Variants in CSMD3 observed in about 807,000 individuals in gnomAD.
The protein encoded by CSMD3 is CUB and Sushi multiple domains 3.
A neutral mutation model predicts 435.2 loss-of-function variants in CSMD3; 177 were observed. The observed-to-expected ratio is 0.41, with a 90% CI of 0.36 to 0.46. CSMD3 has a LOEUF of 0.46. Among genes scored for constraint, CSMD3 ranks in the 20% least tolerant of loss-of-function variants. CSMD3 has a pLI of 0.34. For missense variants in CSMD3, 4,265 were observed against 4,504.6 expected (o/e 0.95, Z 1.52); for synonymous variants, 1,656 against 1,520.5 (o/e 1.09, Z -2.07).
intron 5 of CSMD3, among the ~76,000 whole-genome samples, chr8:113,069,251 A>C (rs1445122536): frequency 6.6e-6 from 1 of 152,096 alleles, no homozygotes; most frequent in Non-Finnish European, 1.5e-5. Context: ...TGCCCACTCC[A>C]TTCTATAGAA....
At chr8:112,696,440 T>C (rs2076257936) in intron 13 of CSMD3, among the ~76,000 whole-genome samples, 1 of 152,064 alleles carries the variant, frequency 6.6e-6, no homozygotes, top group East Asian at 1.9e-4. Flanking sequence ...AACCATCTGA[T>C]CTTTGACAAA....
chr8:112,251,755 T>C (rs1815282313), intron 63 of CSMD3, among the ~76,000 whole-genome samples: 1 of 151,740 alleles, frequency 6.6e-6, no homozygotes, highest in Non-Finnish European at 1.5e-5. Context: ...AAGCCCTAAA[T>C]CCAAATAATG....
intron 10 of CSMD3, among the ~76,000 whole-genome samples, chr8:112,879,131 G>T (rs2081375627): frequency 6.6e-6 from 1 of 152,042 alleles, no homozygotes; most frequent in African/African-American, 2.4e-5. Context: ...TTCCCTTATT[G>T]CCCAAAATGG....
chr8:112,502,497 G>T (rs1822072171), intron 30 of CSMD3, among the ~76,000 whole-genome samples: 1 of 152,178 alleles, frequency 6.6e-6, no homozygotes, highest in East Asian at 1.9e-4. Flanking sequence ...GATATCGGAG[G>T]ACTCCAAGCC....
At chr8:113,362,538 GA>G (rs1200523606) in intron 1 of CSMD3, among the ~76,000 whole-genome samples, 7 of 152,192 alleles carry the variant, frequency 4.6e-5, no homozygotes. Flanking sequence ...ATTGCAGTGT[GA>G]AACAGCATTA....
At chr8:113,266,110 C>T (rs1404877781) in intron 3 of CSMD3, among the ~76,000 whole-genome samples, 1 of 149,206 alleles carries the variant, frequency 6.7e-6, no homozygotes, top group Admixed American at 6.7e-5. Context: ...AAATTGTAAG[C>T]TCTCTATTAA....
chr8:113,307,130 G>A (rs1187803764), intron 2 of CSMD3, among the ~76,000 whole-genome samples: 5 of 151,970 alleles, frequency 3.3e-5, no homozygotes, highest in Non-Finnish European at 5.9e-5. Context: ...AATCCAAAGA[G>A]GGAGAAGAGT....
At chr8:112,836,233 G>T (rs1221739520) in intron 11 of CSMD3, among the ~76,000 whole-genome samples, 1 of 151,854 alleles carries the variant, frequency 6.6e-6, no homozygotes, top group Non-Finnish European at 1.5e-5. Context: ...CAAAGTGAAT[G>T]CAGGAGAAGA....
chr8:112,708,145 T>A (rs983309104), intron 13 of CSMD3, among the ~76,000 whole-genome samples: 6 of 151,032 alleles, frequency 4.0e-5, no homozygotes, highest in African/African-American at 1.2e-4. Context: ...GTAGGGATGA[T>A]TATAGGAGAC....
chr8:112,384,641 T>G (rs1829776596), intron 36 of CSMD3, among the ~76,000 whole-genome samples: 2 of 152,320 alleles, frequency 1.3e-5, no homozygotes, highest in East Asian at 1.9e-4. Flanking sequence ...CATTAAAAAT[T>G]TATTATCTGC....
At chr8:112,441,100 T>G (rs1034774938) in intron 32 of CSMD3, among the ~76,000 whole-genome samples, 7 of 152,154 alleles carry the variant, frequency 4.6e-5, no homozygotes, top group African/African-American at 1.7e-4. Context: ...ATGCTCTGCT[T>G]CCCCTTGAAT....
intron 10 of CSMD3, among the ~76,000 whole-genome samples, chr8:112,872,026 C>T (rs2081150808): frequency 6.6e-6 from 1 of 151,904 alleles, no homozygotes. Context: ...ATTGATCTAT[C>T]AAAGACCTGT....
At chr8:113,020,454 T>C (rs916013216) in intron 5 of CSMD3, among the ~76,000 whole-genome samples, 2 of 152,136 alleles carry the variant, frequency 1.3e-5, no homozygotes, top group Admixed American at 6.5e-5. Context: ...TATGACATCA[T>C]GAAATAGAAA....
chr8:113,002,336 T>A (rs575357122), intron 6 of CSMD3, among the ~76,000 whole-genome samples: 1 of 152,260 alleles, frequency 6.6e-6, no homozygotes, highest in Admixed American at 6.5e-5. Flanking sequence ...TTATTTAAAT[T>A]ATTTTATGTT....
intron 2 of CSMD3, among the ~76,000 whole-genome samples, chr8:113,291,451 T>C (rs2132531893): frequency 6.6e-6 from 1 of 152,052 alleles, no homozygotes; most frequent in South Asian, 2.1e-4. Flanking sequence ...AATTGCATGT[T>C]TCTTTGAAAA....
In CSMD3 at chr8:113,278,570, G is replaced by C. The variant is rs763673559; in HGVS notation, c.514+22C>G. ...TAGATTACATTAAGGGCAGTGGTTT[G>C]TTTGCCACTACCATCACTTACCTTC... On this transcript the variant is annotated intron_variant, in intron 3 of 70. Transcript: ENST00000297405. 4.4e-6 allele frequency: 5 copies of C among 1,140,140 alleles called. No homozygotes were observed. The South Asian group carries it at 4.9e-5, about 11-fold the overall frequency. 70.6% of individuals were successfully genotyped at this position (1,140,140 alleles called of 1,614,324 possible). A position where few individuals can be genotyped will look rare whatever the true frequency, so the allele number is the denominator to read the frequency against.
chr8:112,278,253 G>A (rs1403814759), intron 59 of CSMD3, among the ~76,000 whole-genome samples: 1 of 152,140 alleles, frequency 6.6e-6, no homozygotes, highest in Non-Finnish European at 1.5e-5. Context: ...TGGCTCTGCT[G>A]CCACCTGGCT....
intron 9 of CSMD3, among the ~76,000 whole-genome samples, chr8:112,945,588 A>ATG (rs10574750): frequency 0.53 from 74,255 of 140,392 alleles, 19,460 homozygotes; most frequent in Admixed American, 0.66. Flanking sequence ...ATACAGAAAT[A>ATG]TGTGTGTGTG....
intron 13 of CSMD3, among the ~76,000 whole-genome samples, chr8:112,698,152 G>T (rs1458517441): frequency 1.3e-5 from 2 of 150,850 alleles, no homozygotes; most frequent in East Asian, 2.3e-4. Context: ...TATATGTGAA[G>T]AAGGTTGAGA....
Sources: allele counts gnomAD v4.1 joint callset (sites outside exome capture counted in the v4.1 genomes callset), GRCh38; gene constraint gnomAD v4.1.1; transcripts MANE v1.5; gene names NCBI Gene and HGNC (gene_info 2026-07-23, HGNC 2026-07-21).